Variants in CLSTN2 observed in about 807,000 individuals in gnomAD.
CLSTN2 encodes calsyntenin 2.
CLSTN2 carries 48 observed loss-of-function variants against 101.2 expected under a neutral mutation model. The ratio of observed to expected loss-of-function variants is 0.47; its 90% confidence interval spans 0.38 to 0.60. The LOEUF (loss-of-function observed/expected upper bound fraction) is 0.60. CLSTN2 is among the 20% of genes least tolerant of loss of function. The probability of loss-of-function intolerance (pLI) is 0.00; values close to 1 mark genes in which losing one functional copy is unlikely to be tolerated. For synonymous variants in CLSTN2, 481 were observed against 463.6 expected, an observed-to-expected ratio of 1.04 and a Z score of -0.48; for missense variants, 1,160 against 1,238.2, an observed-to-expected ratio of 0.94 and a Z score of 0.95.
At chr3:140,506,939 A>T (rs1476075375) in intron 8 of CLSTN2, 1 of 152,210 alleles carries the variant, frequency 6.6e-6, no homozygotes, top group Admixed American at 6.5e-5. Context: ...GTTTCTTTTT[A>T]CTTTTCTAAT....
chr3:140,422,943 GT>G, intron 5 of CLSTN2, among the ~76,000 whole-genome samples: 1 of 152,316 alleles, frequency 6.6e-6, no homozygotes, highest in African/African-American at 2.4e-5. Flanking sequence ...ACCTTGTTTT[GT>G]TTTTAACTCA....
intron 5 of CLSTN2, among the ~76,000 whole-genome samples, chr3:140,445,327 C>T (rs1164141624): frequency 1.3e-5 from 2 of 152,128 alleles, no homozygotes; most frequent in African/African-American, 4.8e-5. Flanking sequence ...TAGATAACCA[C>T]CAAAATATCT....
At chr3:140,062,923 TA>T (rs1338768239) in intron 1 of CLSTN2, among the ~76,000 whole-genome samples, 1 of 152,210 alleles carries the variant, frequency 6.6e-6, no homozygotes, top group Non-Finnish European at 1.5e-5. Context: ...ATCAGCAAAA[TA>T]TAATACATTT....
At chr3:140,557,446 AG>A (rs1935822470) in intron 11 of CLSTN2, among the ~76,000 whole-genome samples, 2 of 152,214 alleles carry the variant, frequency 1.3e-5, no homozygotes, top group Non-Finnish European at 2.9e-5. Context: ...TTACAGGCTT[AG>A]GGGTAGGAAA....
intron 2 of CLSTN2, among the ~76,000 whole-genome samples, chr3:140,338,570 C>T (rs561120883): frequency 3.3e-5 from 5 of 152,148 alleles, no homozygotes; most frequent in East Asian, 1.9e-4. Flanking sequence ...CCAGTCCCCC[C>T]CCGGCCTCAG....
intron 2 of CLSTN2, among the ~76,000 whole-genome samples, chr3:140,313,272 A>G (rs1377918008): frequency 6.6e-6 from 1 of 152,168 alleles, no homozygotes; most frequent in Non-Finnish European, 1.5e-5. Flanking sequence ...AACACTGAAA[A>G]TTAGAGACTA....
At chr3:140,053,238 C>T (rs2107769333) in intron 1 of CLSTN2, among the ~76,000 whole-genome samples, 1 of 152,350 alleles carries the variant, frequency 6.6e-6, no homozygotes, top group East Asian at 1.9e-4. Flanking sequence ...TGGCTCTTCA[C>T]ACCCTGGTGA....
chr3:139,986,758 G>A (rs764248499), intron 1 of CLSTN2, among the ~76,000 whole-genome samples: 10 of 152,142 alleles, frequency 6.6e-5, no homozygotes, highest in Non-Finnish European at 1.3e-4. Flanking sequence ...TTCCCTGCCT[G>A]TAAGGACAGG....
intron 8 of CLSTN2, among the ~76,000 whole-genome samples, chr3:140,505,409 C>T (rs1934668107): frequency 6.6e-6 from 1 of 152,184 alleles, no homozygotes; most frequent in African/African-American, 2.4e-5. Context: ...ATCAGATACA[C>T]ACACAGGCAG....
intron 8 of CLSTN2, among the ~76,000 whole-genome samples, chr3:140,499,203 C>G (rs150750432): frequency 6.6e-6 from 1 of 152,290 alleles, no homozygotes; most frequent in African/African-American, 2.4e-5. Context: ...CAGGGAGCTT[C>G]CACTAACCCA....
intron 8 of CLSTN2, among the ~76,000 whole-genome samples, chr3:140,486,583 A>C (rs1228487175): frequency 6.6e-6 from 1 of 152,202 alleles, no homozygotes; most frequent in East Asian, 1.9e-4. Flanking sequence ...GTCTATGAGT[A>C]CTCAGGCAGA....
chr3:140,123,766 T>G (rs1344598929), intron 1 of CLSTN2, among the ~76,000 whole-genome samples: 3 of 152,062 alleles, frequency 2.0e-5, no homozygotes, highest in Non-Finnish European at 4.4e-5. Context: ...ACATGGACTT[T>G]CCTCAGTGCA....
chr3:140,055,193 T>C (rs2008076119), intron 1 of CLSTN2, among the ~76,000 whole-genome samples: 2 of 152,226 alleles, frequency 1.3e-5, no homozygotes, highest in Admixed American at 1.3e-4. Context: ...TCTAAGACTT[T>C]CCAGAGATGG....
At chr3:139,984,022 G>A (rs956098605) in intron 1 of CLSTN2, among the ~76,000 whole-genome samples, 1 of 152,046 alleles carries the variant, frequency 6.6e-6, no homozygotes, top group Non-Finnish European at 1.5e-5. Context: ...TGGAACTGAA[G>A]GTAAAACTTA....
intron 1 of CLSTN2, among the ~76,000 whole-genome samples, chr3:140,167,984 G>A (rs2010159874): frequency 6.6e-6 from 1 of 152,042 alleles, no homozygotes; most frequent in African/African-American, 2.4e-5. Context: ...TACCAGTTTG[G>A]CACTAAGTAT....
At chr3:140,474,952 A>AGGCTGTGTTGCAG (rs879890614) in intron 8 of CLSTN2, among the ~76,000 whole-genome samples, 1 of 150,856 alleles carries the variant, frequency 6.6e-6, no homozygotes, top group Non-Finnish European at 1.5e-5. Flanking sequence ...CAGTGGAAAG[A>AGGCTGTGTTGCAG]AGCCCCCACT....
At chr3:140,150,586 G>C (rs1025951497) in intron 1 of CLSTN2, among the ~76,000 whole-genome samples, 6 of 152,124 alleles carry the variant, frequency 3.9e-5, no homozygotes, top group Non-Finnish European at 8.8e-5. Flanking sequence ...CCCTTATTCA[G>C]TGACTGATAA....
chr3:140,486,694 G>A (rs1934247513), intron 8 of CLSTN2, among the ~76,000 whole-genome samples: 1 of 152,122 alleles, frequency 6.6e-6, no homozygotes, highest in African/African-American at 2.4e-5. Context: ...GGCAAGAAGT[G>A]TTCATTATAT....
At chr3:140,099,482 G>A (rs1212801876) in intron 1 of CLSTN2, among the ~76,000 whole-genome samples, 1 of 152,044 alleles carries the variant, frequency 6.6e-6, no homozygotes, top group Non-Finnish European at 1.5e-5. Flanking sequence ...GATAATCCAG[G>A]ATGATCTTGT....
Sources: allele counts gnomAD v4.1 joint callset (sites outside exome capture counted in the v4.1 genomes callset), GRCh38; gene constraint gnomAD v4.1.1; transcripts MANE v1.5; gene names NCBI Gene and HGNC (gene_info 2026-07-23, HGNC 2026-07-21).